Variants in KIF1B observed in about 807,000 individuals in gnomAD.
KIF1B encodes the protein kinesin-like protein KIF1B.
KIF1B carries 76 observed loss-of-function variants against 241.9 expected under a neutral mutation model. The observed-to-expected ratio is 0.31, with a 90% CI of 0.26 to 0.38. KIF1B has a LOEUF of 0.38. KIF1B is among the 10% of genes least tolerant of loss of function. The pLI is 1.00. For synonymous variants in KIF1B, 750 were observed against 796.7 expected (o/e 0.94, Z 0.99); for missense variants, 1,622 against 2,271.4 (o/e 0.71, Z 5.81).
At chr1:10,307,000 G>A (rs41274464) in intron 22 of KIF1B, 25,885 of 1,041,774 alleles carry the variant, frequency 0.025, 392 homozygotes, top group Non-Finnish European at 0.028. Context: ...TTGTGGTAAG[G>A]ACTATGTCCA....
At chr1:10,353,162 C>G (rs932931821) in intron 38 of KIF1B, among the ~76,000 whole-genome samples, 1 of 152,256 alleles carries the variant, frequency 6.6e-6, no homozygotes, top group Non-Finnish European at 1.5e-5. Context: ...AATGTGCCCT[C>G]TGAGATAAAA....
chr1:10,243,388 C>T (rs917266362), intron 2 of KIF1B, among the ~76,000 whole-genome samples: 3 of 152,202 alleles, frequency 2.0e-5, no homozygotes, highest in African/African-American at 7.2e-5. Flanking sequence ...CACTGCACTC[C>T]AGCCTGGGTG....
At chr1:10,297,150 T>G (rs1402831494) in intron 21 of KIF1B, 24 bp from the exon 22 acceptor site, 1 of 784,968 alleles carries the variant, frequency 1.3e-6, no homozygotes, top group Non-Finnish European at 1.8e-6. Context: ...ATTCTTGAAT[T>G]TTTTTTTTTT....
rs1459184012 is a variant in KIF1B, at chr1:10,371,192, A to G, written c.4876A>G (p.Ser1626Gly). The G allele has an allele frequency of 6.2e-7, 1 of 1,614,120 alleles. No homozygotes were observed. The highest frequency in any genetic ancestry group is 8.5e-7 in the Non-Finnish European group (1 of 1,180,006). Residue 1626 changes from serine to glycine, a missense_variant, in exon 45 of 49, where the codon AGT becomes GGT. Ser to Gly is a moderately conservative substitution (Grantham distance 56). This residue lies in a region of KIF1B where 357 missense variants were observed against 409.0 expected (regional missense o/e 0.87). Coordinates refer to ENST00000676179, the MANE Select transcript of KIF1B (RefSeq NM_001365951.3). ...GGATCCCTCTGAGTCCAGTTTCAGCAGTGCCACCCTCACTCCCTCCTCCAC... is the reference window on the plus strand; with the variant it reads ...GGATCCCTCTGAGTCCAGTTTCAGCGGTGCCACCCTCACTCCCTCCTCCAC... ...GRDPSESSFSSATLTPSSTCP... is the reference protein window; with the variant it reads ...GRDPSESSFSGATLTPSSTCP...
chr1:10,363,287 C>G lies in KIF1B; in HGVS notation c.4309C>G (p.Arg1437Gly). ...TGTTTTATTTTCTTCAAATAGGAAT[C>G]GAGTCACTGGCATTTACGAACTCAG... Reference protein sequence around the residue: ...SGYSKSPDSNRVTGIYELSLC... With the variant: ...SGYSKSPDSNGVTGIYELSLC... The change falls in exon 41 of 49, where the codon CGA becomes GGA. Residue 1437 changes from arginine (R) to glycine (G), a missense_variant. Around this residue, in one of 7 missense-constraint regions of KIF1B, gnomAD observed 803 missense variants for 1,112.0 expected, o/e 0.72. Coordinates refer to ENST00000676179, the MANE Select transcript of KIF1B (RefSeq NM_001365951.3). 6.2e-7 allele frequency: 1 copy of G among 1,611,814 alleles called. No homozygotes were observed. Among genetic ancestry groups the G allele is most frequent in the Non-Finnish European group, 8.5e-7 (1 of 1,177,972 alleles).
chr1:10,227,032 CTTTTTTTT>C (rs747870005), intron 1 of KIF1B, among the ~76,000 whole-genome samples: 4 of 112,936 alleles, frequency 3.5e-5, no homozygotes, highest in Non-Finnish European at 3.5e-5. Context: ...GCAAGTCTCT[CTTTTTTTT>C]TTTTTTTTTT....
At chr1:10,268,056 C>G (rs763775760) in intron 6 of KIF1B, 96 bp from the exon 7 acceptor site, 1 of 805,486 alleles carries the variant, frequency 1.2e-6, no homozygotes, top group African/African-American at 1.7e-5. Context: ...AAGACTATTG[C>G]TTGTGATTGT....
intron 2 of KIF1B, 44 bp downstream of exon 2, chr1:10,232,478 TTTCTTC>T: frequency 7.3e-7 from 1 of 1,371,060 alleles, no homozygotes; most frequent in African/African-American, 1.4e-5. Context: ...CTTACTTTCC[TTTCTTC>T]TTTCCCTGTC....
chr1:10,231,518 C>T (rs201709982), intron 1 of KIF1B, among the ~76,000 whole-genome samples: 21 of 151,186 alleles, frequency 1.4e-4, no homozygotes, highest in Middle Eastern at 3.5e-3. Context: ...TCCCTAGTAG[C>T]GGGGATCACA....
rs1163768556 is a variant in KIF1B, at chr1:10,342,113, G to A, written c.3577G>A (p.Val1193Ile). 1 of 1,614,036 alleles carries A rather than the reference G, an allele frequency of 6.2e-7. No homozygotes were observed. The highest frequency in any genetic ancestry group is 2.2e-5 in the East Asian group (1 of 44,882). ...YIKTKPIVFE[V>I]FGHYQQHPLH... ...CAAAACCAAGCCTATTGTATTTGAA[G>A]TCTTTGGGCATTATCAGCAGCACCC... Residue 1193 changes from valine (V) to isoleucine (I), a missense_variant, in exon 33 of 49, where the codon GTC becomes ATC. Physicochemically the swap from Val to Ile is conservative, Grantham distance 29. This residue lies in a region of KIF1B where 803 missense variants were observed against 1,112.0 expected (regional missense o/e 0.72). Transcript: ENST00000676179.
Position 10,378,234 on chromosome 1 carries a change from C to T in KIF1B, c.*1647C>T, listed in dbSNP as rs1318090291. The T allele has an allele frequency of 1.4e-6, 1 of 698,868 alleles. No homozygotes were observed. The allele number at this position is 698,868 out of a possible 1,614,324, so 43.3% of individuals were successfully genotyped here. ...GATGAACGTCCAGGGAGCCCGGGCC[C>T]CAGGCTTTGTTGCGTGTTCCCTGCT... On this transcript the variant is annotated 3_prime_UTR_variant, in exon 49 of 49. Coordinates refer to ENST00000676179, the MANE Select transcript of KIF1B (RefSeq NM_001365951.3).
rs373588238 is a variant in KIF1B at position 10,221,205 on chromosome 1, C to T, written c.-80+10327C>T. ...CTCCACCTCCGAGGTTCAAGCAATT[C>T]TCCTGCCTCAGCCTTCTGAGTAGCT... On this transcript the variant is annotated intron_variant, in intron 1 of 48. Coordinates refer to ENST00000676179, the MANE Select transcript of KIF1B (RefSeq NM_001365951.3). 1.9e-4 allele frequency among the ~76,000 whole-genome samples: 27 copies of T among 142,718 alleles called. 1 individual carries two copies. The South Asian group carries it at 6.1e-3, about 32-fold the overall frequency. The allele number at this position is 142,718 out of a possible 152,430, so 93.6% of individuals were successfully genotyped here. A position where few individuals can be genotyped will look rare whatever the true frequency, so the allele number is the denominator to read the frequency against.
rs138411369 is a variant in KIF1B, at chr1:10,265,465, A to T, written c.430-1915A>T. On this transcript the variant is annotated intron_variant, in intron 5 of 48. Coordinates refer to ENST00000676179, the MANE Select transcript of KIF1B (RefSeq NM_001365951.3). ...TACCCAGGTTGGTCTCGAATTCCTGAGCTCAAGCAATCTGCCCACCTTGAC... is the reference window on the plus strand; with the variant it reads ...TACCCAGGTTGGTCTCGAATTCCTGTGCTCAAGCAATCTGCCCACCTTGAC... 9.1e-4 allele frequency among the ~76,000 whole-genome samples: 138 copies of T among 152,056 alleles called. 2 individuals are homozygous for T. In the East Asian group the frequency reaches 0.024, roughly 26 times the overall value.
At chr1:10,294,406 T>TG (rs144639779) in intron 17 of KIF1B, among the ~76,000 whole-genome samples, 12 of 151,780 alleles carry the variant, frequency 7.9e-5, no homozygotes, top group East Asian at 1.9e-4. Context: ...TGGGAAGTGG[T>TG]GGGGGGGTAT....
At chr1:10,319,411 C>T (rs1042617547) in intron 22 of KIF1B, among the ~76,000 whole-genome samples, 2 of 152,070 alleles carry the variant, frequency 1.3e-5, no homozygotes, top group East Asian at 3.8e-4. Context: ...AGTAATCCAT[C>T]TTATAGTTGC....
chr1:10,373,842 C>T (rs745311251), intron 45 of KIF1B, among the ~76,000 whole-genome samples: 1 of 152,146 alleles, frequency 6.6e-6, no homozygotes, highest in Non-Finnish European at 1.5e-5. Context: ...TTGTTGAAGC[C>T]CCCATGGCTC....
rs1291524114 is a variant in KIF1B at position 10,374,411 on chromosome 1, C to T, written c.5042C>T (p.Ala1681Val). The T allele has an allele frequency of 1.9e-6, 3 of 1,614,108 alleles. No individual in the cohort carries two copies. Among genetic ancestry groups the T allele is most frequent in the East Asian group, 2.2e-5 (1 of 44,890 alleles). The change falls in exon 46 of 49, where the codon GCA (alanine) becomes GTA (valine). Residue 1681 changes from alanine (A) to valine (V), a missense_variant. This residue lies in a region of KIF1B where 357 missense variants were observed against 409.0 expected (regional missense o/e 0.87). Transcript: ENST00000676179. This position sits in a 1 kb window ranked among gnomAD's most constrained non-coding sequence, Gnocchi z 4.3. ...GTGGAAACACCATATTTGGCCCGAG[C>T]AGGAAAAAACGAATTTCTCAATCTT... is the stretch of plus-strand genomic sequence containing the variant. ...PAVETPYLARAGKNEFLNLVP... is the reference protein window; with the variant it reads ...PAVETPYLARVGKNEFLNLVP...
In KIF1B at chr1:10,326,008, G is replaced by T. The variant is rs550940631; in HGVS notation, c.2676-103G>T. The T allele has an allele frequency of 9.9e-5, 143 of 1,440,714 alleles. No individual in the cohort carries two copies. In the East Asian group the frequency reaches 3.1e-3, roughly 31 times the overall value. 89.2% of individuals were successfully genotyped at this position (1,440,714 alleles called of 1,614,324 possible). On this transcript the variant is annotated intron_variant, in intron 26 of 48. Coordinates refer to ENST00000676179, the MANE Select transcript of KIF1B (RefSeq NM_001365951.3). The surrounding 1 kb of genome is among the most constrained non-coding windows in gnomAD (Gnocchi z 5.2). ...CTTTTCCATTTGCTTTTATTGTGTT[G>T]ATTCCCCAGTGGATTCTGTCCTGTT...
At chr1:10,262,264 C>T (rs1375108311) in intron 5 of KIF1B, among the ~76,000 whole-genome samples, 2 of 152,136 alleles carry the variant, frequency 1.3e-5, no homozygotes, top group African/African-American at 4.8e-5. Context: ...ATCTTACCCC[C>T]TCAGCTTCTC....
Sources: allele counts gnomAD v4.1 joint callset (sites outside exome capture counted in the v4.1 genomes callset), GRCh38; gene constraint gnomAD v4.1.1; regional missense constraint gnomAD v4.1.1; non-coding constraint Gnocchi (gnomAD v3.1); transcripts MANE v1.5; gene names NCBI Gene and HGNC (gene_info 2026-07-23, HGNC 2026-07-21).